GPC6: variants seen among roughly 807,000 people sequenced by gnomAD.
GPC6 encodes glypican 6.
In GPC6, 14 loss-of-function variants were observed where a neutral mutation model predicts 55.2. The observed-to-expected ratio is 0.25, with a 90% CI of 0.17 to 0.40. GPC6 has a LOEUF of 0.40. GPC6 is among the 10% of genes least tolerant of loss of function. The pLI is 1.00. For missense variants in GPC6, 641 were observed against 708.5 expected (o/e 0.90, Z 1.08); for synonymous variants, 278 against 259.6 (o/e 1.07, Z -0.68).
At chr13:93,277,930 T>C (rs1877812313) in intron 1 of GPC6, among the ~76,000 whole-genome samples, 1 of 152,186 alleles carries the variant, frequency 6.6e-6, no homozygotes. Flanking sequence ...CCCTTCTCTT[T>C]TTAATCATAC....
At chr13:93,852,216 G>C (rs1888429581) in intron 3 of GPC6, among the ~76,000 whole-genome samples, 1 of 151,670 alleles carries the variant, frequency 6.6e-6, no homozygotes, top group African/African-American at 2.4e-5. Flanking sequence ...GGCAAACAAA[G>C]GAACACACAT....
At chr13:93,342,682 G>A (rs546183253) in intron 1 of GPC6, among the ~76,000 whole-genome samples, 23 of 152,272 alleles carry the variant, frequency 1.5e-4, no homozygotes, top group Admixed American at 2.0e-4. Context: ...GATAACAGTC[G>A]TGAAGAGAAA....
intron 3 of GPC6, among the ~76,000 whole-genome samples, chr13:93,968,215 G>T (rs9524292): frequency 0.23 from 35,111 of 151,732 alleles, 4,599 homozygotes; most frequent in East Asian, 0.39. Flanking sequence ...AGAGAGAGTG[G>T]GCCTTCAAGA....
At position 94,001,955 on chromosome 13, in the gene GPC6, G is replaced by A. The variant is rs543335459; in HGVS notation, c.712-25774G>A. 5.3e-5 allele frequency among the ~76,000 whole-genome samples: 8 copies of A among 152,042 alleles called. 1 individual carries two copies. The highest frequency in any genetic ancestry group is 5.9e-5 in the Non-Finnish European group (4 of 68,012). On this transcript the variant is annotated intron_variant, in intron 3 of 8. Transcript: ENST00000377047. ...AAGTGCTGGAGAAGATTAAGGGGGA[G>A]GTTTTGGTCAATGTGATTAAGCCAC...
intron 2 of GPC6, among the ~76,000 whole-genome samples, chr13:93,673,543 G>A (rs1384137273): frequency 6.6e-6 from 1 of 151,946 alleles, no homozygotes. Flanking sequence ...TGTTCCTTCT[G>A]GGATTATATA....
At chr13:93,399,602 G>A (rs987776061) in intron 1 of GPC6, among the ~76,000 whole-genome samples, 2 of 152,230 alleles carry the variant, frequency 1.3e-5, no homozygotes, top group Non-Finnish European at 2.9e-5. Flanking sequence ...AGAAATGTGA[G>A]TGTGACTCAT....
At chr13:93,912,932 G>A (rs985349999) in intron 3 of GPC6, among the ~76,000 whole-genome samples, 1 of 151,956 alleles carries the variant, frequency 6.6e-6, no homozygotes, top group African/African-American at 2.4e-5. Context: ...CTCTACCTCA[G>A]TCCTCACAGA....
intron 1 of GPC6, among the ~76,000 whole-genome samples, chr13:93,341,788 C>T (rs1186135831): frequency 2.7e-5 from 4 of 150,224 alleles, no homozygotes; most frequent in Admixed American, 6.6e-5. Context: ...TTGTTTTTGG[C>T]GTCTTAGTCA....
At chr13:94,055,316 A>G (rs1379166330) in intron 4 of GPC6, among the ~76,000 whole-genome samples, 3 of 152,208 alleles carry the variant, frequency 2.0e-5, no homozygotes, top group Non-Finnish European at 4.4e-5. Flanking sequence ...TAATATTGCA[A>G]ACTGTGGTCA....
chr13:93,927,761 G>T (rs1877938180), intron 3 of GPC6, among the ~76,000 whole-genome samples: 2 of 151,342 alleles, frequency 1.3e-5, no homozygotes, highest in Non-Finnish European at 2.9e-5. Context: ...AAGTTTAAAT[G>T]GTATGATTCA....
intron 1 of GPC6, among the ~76,000 whole-genome samples, chr13:93,248,428 AC>A (rs1876675182): frequency 6.7e-6 from 1 of 148,376 alleles, no homozygotes; most frequent in African/African-American, 2.5e-5. Flanking sequence ...TAAAAGGCCC[AC>A]AAAAAGTGTT....
intron 3 of GPC6, among the ~76,000 whole-genome samples, chr13:93,931,177 C>T (rs1162394535): frequency 2.0e-5 from 3 of 152,064 alleles, no homozygotes; most frequent in Non-Finnish European, 2.9e-5. Context: ...AAATCCAAAC[C>T]GTATCAGTAT....
intron 1 of GPC6, among the ~76,000 whole-genome samples, chr13:93,286,097 GGTTTAATTGACTCACA>G (rs1321715060): frequency 2.0e-5 from 3 of 152,210 alleles, no homozygotes; most frequent in African/African-American, 7.2e-5. Flanking sequence ...AAAGGAAGGA[GGTTTAATTGACTCACA>G]GTTCCACATA....
At chr13:93,903,764 A>G (rs1876486521) in intron 3 of GPC6, among the ~76,000 whole-genome samples, 2 of 152,024 alleles carry the variant, frequency 1.3e-5, no homozygotes, top group Non-Finnish European at 2.9e-5. Context: ...TAGCTTCTGT[A>G]TGCCGTCTAG....
chr13:93,581,852 T>C (rs771519423), intron 2 of GPC6, among the ~76,000 whole-genome samples: 1 of 152,242 alleles, frequency 6.6e-6, no homozygotes, highest in Admixed American at 6.5e-5. Flanking sequence ...TTGAGTATCA[T>C]GATTTCTTTT....
In GPC6 at chr13:94,155,045, G is replaced by T. The variant is rs544960250; in HGVS notation, c.877+127151G>T. 2.6e-5 allele frequency among the ~76,000 whole-genome samples: 4 copies of T among 152,122 alleles called. No individual in the cohort carries two copies. In the South Asian group the frequency reaches 8.3e-4, roughly 32 times the overall value. ...GGGCACTGCATTGGTCCTTTAGTCC[G>T]GCTCCCTGGGGGTACACCTCTAAAT... On this transcript the variant is annotated intron_variant, in intron 4 of 8. Coordinates refer to ENST00000377047, the MANE Select transcript of GPC6 (RefSeq NM_005708.5).
intron 2 of GPC6, among the ~76,000 whole-genome samples, chr13:93,547,275 G>A (rs1258825941): frequency 6.6e-6 from 1 of 152,138 alleles, no homozygotes; most frequent in Non-Finnish European, 1.5e-5. Context: ...GAACCTGGGA[G>A]GTGGAGGTTG....
intron 1 of GPC6, among the ~76,000 whole-genome samples, chr13:93,340,601 T>C (rs1413079455): frequency 1.3e-5 from 2 of 152,026 alleles, no homozygotes; most frequent in Non-Finnish European, 2.9e-5. Context: ...TTTCAGCTGA[T>C]GGAAGGAAGC....
intron 2 of GPC6, among the ~76,000 whole-genome samples, chr13:93,792,709 C>T (rs1167532020): frequency 6.6e-6 from 1 of 152,142 alleles, no homozygotes; most frequent in African/African-American, 2.4e-5. Context: ...CACTTACTTT[C>T]AAGGGAAGGG....
Sources: gnomAD v4.1 joint callset for allele counts (sites outside exome capture counted in the v4.1 genomes callset) on GRCh38, gnomAD v4.1.1 for gene constraint, MANE v1.5 for transcripts, NCBI Gene and HGNC (gene_info 2026-07-23, HGNC 2026-07-21) for gene names.